The following C11orf65 variants were observed in gnomAD, a reference collection of about 807,000 sequenced individuals.
C11orf65 encodes chromosome 11 open reading frame 65.
C11orf65 carries 38 observed loss-of-function variants against 35.3 expected under a neutral mutation model. The ratio of observed to expected loss-of-function variants is 1.08; its 90% CI spans 0.83 to 1.41. The LOEUF is 1.41. Among genes scored for constraint, C11orf65 ranks in the 40% most tolerant of loss-of-function variants. The pLI is 0.00. For missense variants in C11orf65, 370 were observed against 367.1 expected (o/e 1.01, Z -0.06); for synonymous variants, 105 against 114.4 (o/e 0.92, Z 0.53).
intron 2 of C11orf65, among the ~76,000 whole-genome samples, chr11:108,351,106 A>C (rs1464190635): frequency 1.7e-4 from 26 of 152,248 alleles, no homozygotes. Context: ...CACAATATAG[A>C]AGACTCTCAC....
At chr11:108,330,355 G>A (rs773516672), downstream of C11orf65, 6 of 1,613,998 alleles carry the variant, frequency 3.7e-6, no homozygotes, top group Admixed American at 8.3e-5. Context: ...ATGATATGTG[G>A]GTATTCCGAC....
At chr11:108,384,052 G>A (rs1015624974) in intron 8 of C11orf65, among the ~76,000 whole-genome samples, 1 of 152,014 alleles carries the variant, frequency 6.6e-6, no homozygotes, top group Admixed American at 6.6e-5. Context: ...TGTAGAGTGA[G>A]AGTCTCTTTA....
rs1565608982 is a variant in C11orf65, at chr11:108,365,370, G to T, written c.226+27838C>A. 1 of 1,614,142 alleles carries T rather than the reference G, an allele frequency of 6.2e-7. No homozygotes were observed. The highest frequency in any genetic ancestry group is 8.5e-7 in the Non-Finnish European group (1 of 1,180,028). On this transcript the variant is annotated intron_variant, in intron 2 of 3. Coordinates refer to the C11orf65 transcript ENST00000524755. Reference sequence around the variant, plus strand: ...ACAAAGTAGCTGAACGTGTCTTAATGAGACTACAAGAGAAACTGAAAGGAG... The same window carrying T: ...ACAAAGTAGCTGAACGTGTCTTAATTAGACTACAAGAGAAACTGAAAGGAG...
rs190663628 is a variant in C11orf65, at chr11:108,358,462, T to C, written c.227-23170A>G. Reference sequence around the variant, plus strand: ...ACAGAGAATGCCACAAAGATACTCTTTGAGAAGAGCAACTCCAAGACACAT... The same window carrying C: ...ACAGAGAATGCCACAAAGATACTCTCTGAGAAGAGCAACTCCAAGACACAT... On this transcript the variant is annotated intron_variant, in intron 2 of 3. Transcript: ENST00000524755. Among the ~76,000 whole-genome samples, 867 of 151,084 alleles carry C rather than the reference T, an allele frequency of 5.7e-3. 8 individuals are homozygous for C. Among genetic ancestry groups the C allele is most frequent in the African/African-American group, 0.017 (704 of 41,000 alleles).
At chr11:108,398,572 G>C (rs1415051374) in intron 6 of C11orf65, among the ~76,000 whole-genome samples, 1 of 152,162 alleles carries the variant, frequency 6.6e-6, no homozygotes, top group Non-Finnish European at 1.5e-5. Context: ...ACACAGGAAA[G>C]AAGAAGTAAA....
At chr11:108,387,330 C>G (rs1226613508) in intron 7 of C11orf65, among the ~76,000 whole-genome samples, 1 of 150,704 alleles carries the variant, frequency 6.6e-6, no homozygotes, top group Admixed American at 6.6e-5. Context: ...AATTTTTGTA[C>G]TTTTAGTACA....
intron 3 of C11orf65, among the ~76,000 whole-genome samples, chr11:108,334,703 T>C (rs1040792955): frequency 2.0e-5 from 3 of 152,196 alleles, no homozygotes; most frequent in Non-Finnish European, 4.4e-5. Context: ...GAAAACTCCT[T>C]CTACTGTTTT....
chr11:108,424,728 C>T lies in C11orf65; in HGVS notation c.174+7018G>A, dbSNP rs570738419. ...AGATACATTCTTCTCAACATCACATCGCACTTATTCTAAATTGACCACATA... is the reference window on the plus strand; with the variant it reads ...AGATACATTCTTCTCAACATCACATTGCACTTATTCTAAATTGACCACATA... On this transcript the variant is annotated intron_variant, in intron 3 of 8. Transcript: ENST00000393084. Among the ~76,000 whole-genome samples the T allele has an allele frequency of 2.0e-5, 3 of 152,264 alleles. No individual in the cohort carries two copies. The South Asian group carries it at 6.2e-4, about 32-fold the overall frequency.
chr11:108,427,796 T>A (rs904862920), intron 3 of C11orf65, among the ~76,000 whole-genome samples: 1 of 139,558 alleles, frequency 7.2e-6, no homozygotes, highest in African/African-American at 2.7e-5. Flanking sequence ...CAAAATGAGA[T>A]ACCATCTCAC....
chr11:108,449,907 A>C (rs538023091), intron 2 of C11orf65, among the ~76,000 whole-genome samples: 9 of 152,002 alleles, frequency 5.9e-5, no homozygotes, highest in East Asian at 5.8e-4. Flanking sequence ...GGCTAATATC[A>C]AGAATCTACA....
intron 1 of C11orf65, among the ~76,000 whole-genome samples, chr11:108,465,241 G>C (rs949716959): frequency 6.6e-6 from 1 of 151,976 alleles, no homozygotes; most frequent in Non-Finnish European, 1.5e-5. Context: ...AATTTTACAC[G>C]GGCTTTCTGC....
rs544738057 is a variant in C11orf65, at chr11:108,394,131, G to C, written c.561-753C>G. 9.0e-4 allele frequency among the ~76,000 whole-genome samples: 116 copies of C among 129,134 alleles called. 1 individual carries two copies. The highest frequency in any genetic ancestry group is 2.9e-3 in the African/African-American group (100 of 34,770). The allele number at this position is 129,134 out of a possible 152,430, so 84.7% of individuals were successfully genotyped here. On this transcript the variant is annotated intron_variant, in intron 6 of 8. Coordinates refer to ENST00000393084, the MANE Select transcript of C11orf65 (RefSeq NM_152587.5). ...GGAGGTGGAGGTTGCAGCGAGCCGA[G>C]ATCATGAAACTGCACTCCAGCCTGG...
chr11:108,347,230 A>T, intron 2 of C11orf65: 1 of 1,355,642 alleles, frequency 7.4e-7, no homozygotes. Flanking sequence ...TATATATTAG[A>T]AAGAGATGGA....
chr11:108,341,706 G>A, intron 2 of C11orf65, among the ~76,000 whole-genome samples: 1 of 152,068 alleles, frequency 6.6e-6, no homozygotes, highest in Non-Finnish European at 1.5e-5. Context: ...TTAATATAAA[G>A]AACAAGGGAT....
At chr11:108,400,551 C>T (rs1188722769) in intron 6 of C11orf65, among the ~76,000 whole-genome samples, 2 of 152,186 alleles carry the variant, frequency 1.3e-5, no homozygotes, top group Non-Finnish European at 2.9e-5. Context: ...CAGACTGCTT[C>T]TCCTGTTGCT....
At chr11:108,356,841 A>ACTT (rs1555144847) in intron 2 of C11orf65, among the ~76,000 whole-genome samples, 1 of 152,148 alleles carries the variant, frequency 6.6e-6, no homozygotes, top group African/African-American at 2.4e-5. Context: ...CATTGTAAGG[A>ACTT]CTTTGGATTT....
intron 3 of C11orf65, among the ~76,000 whole-genome samples, chr11:108,411,543 T>C (rs896534708): frequency 6.6e-6 from 1 of 152,198 alleles, no homozygotes; most frequent in Non-Finnish European, 1.5e-5. Context: ...TACTAAATTT[T>C]TTTGTGTGCT....
chr11:108,402,425 G>A (rs559554029), intron 6 of C11orf65, among the ~76,000 whole-genome samples: 3 of 152,224 alleles, frequency 2.0e-5, no homozygotes, highest in South Asian at 4.2e-4. Flanking sequence ...GCATTTGGTA[G>A]TACTGTAGGC....
intron 3 of C11orf65, among the ~76,000 whole-genome samples, chr11:108,420,795 T>G (rs943688870): frequency 6.6e-6 from 1 of 152,132 alleles, no homozygotes; most frequent in Non-Finnish European, 1.5e-5. Context: ...ATTTTTATTT[T>G]GTAGAGATGG....
Sources: gnomAD v4.1 joint callset for allele counts (sites outside exome capture counted in the v4.1 genomes callset) on GRCh38, gnomAD v4.1.1 for gene constraint, MANE v1.5 for transcripts, NCBI Gene and HGNC (gene_info 2026-07-23, HGNC 2026-07-21) for gene names.